Variants in PCDHA6 observed in about 807,000 individuals in gnomAD.
The protein encoded by PCDHA6 is protocadherin alpha-6.
PCDHA6 carries 55 observed loss-of-function variants against 60.3 expected under a neutral mutation model. The observed-to-expected ratio is 0.91, with a 90% CI of 0.73 to 1.14. The LOEUF is 1.14. PCDHA6 is among the 50% of genes most tolerant of loss of function. The probability of loss-of-function intolerance (pLI) is 0.00; values close to 1 mark genes in which losing one functional copy is unlikely to be tolerated. For synonymous variants in PCDHA6, 652 were observed against 557.9 expected (o/e 1.17, Z -2.38); for missense variants, 1,327 against 1,256.5 (o/e 1.06, Z -0.85).
rs549701659 is a variant in PCDHA6 at position 140,937,333 on chromosome 5, G to C, written c.2395-41616G>C. On this transcript the variant is annotated intron_variant, in intron 1 of 3. Transcript: ENST00000529310. ...ATTACAGGCGTGAGCCACCGCGCCCGGCTTCTTCCATTTATTTTATTATTT... is the reference window on the plus strand; with the variant it reads ...ATTACAGGCGTGAGCCACCGCGCCCCGCTTCTTCCATTTATTTTATTATTT... Among the ~76,000 whole-genome samples the C allele has an allele frequency of 2.8e-3, 423 of 151,952 alleles. 2 individuals carry two copies. Among genetic ancestry groups the C allele is most frequent in the Middle Eastern group, 0.014 (4 of 294 alleles).
In PCDHA6 at chr5:140,829,466, G is replaced by A. The variant is rs2150168443; in HGVS notation, c.1375G>A (p.Glu459Lys). 7 of 1,613,764 alleles carry A rather than the reference G, an allele frequency of 4.3e-6. No individual in the cohort carries two copies. The Admixed American group carries it at 5.0e-5, about 12-fold the overall frequency. ...CAATGCTCCGGCGTTCGCGCAGCCC[G>A]AGTACACAGTGTTCGTGAAGGAGAA... ...NDNAPAFAQP[E>K]YTVFVKENNP... Residue 459 changes from glutamate (E) to lysine (K), a missense_variant, in exon 1 of 4, where the codon GAG becomes AAG. Transcript: ENST00000529310.
intron 1 of PCDHA6, chr5:140,882,304 G>A (rs1046715245): frequency 1.2e-6 from 2 of 1,613,750 alleles, no homozygotes; most frequent in Non-Finnish European, 1.7e-6. Context: ...CAAGACCGCG[G>A]CAACTACTGC....
intron 1 of PCDHA6, among the ~76,000 whole-genome samples, chr5:140,978,595 G>A (rs2096811492): frequency 6.6e-6 from 1 of 152,214 alleles, no homozygotes; most frequent in African/African-American, 2.4e-5. Flanking sequence ...CCTTAATGGG[G>A]CACTTGAGGG....
At chr5:141,004,495 C>T (rs1363359146) in intron 3 of PCDHA6, among the ~76,000 whole-genome samples, 14 of 152,182 alleles carry the variant, frequency 9.2e-5, no homozygotes, top group Admixed American at 9.2e-4. Flanking sequence ...TCTTGGCAGT[C>T]CTGCTGTGAG....
At chr5:140,870,614 C>A (rs782305059) in intron 1 of PCDHA6, 1 of 1,613,212 alleles carries the variant, frequency 6.2e-7, no homozygotes, top group South Asian at 1.1e-5. Flanking sequence ...CGCGCGCTGT[C>A]GAGCTACGTG....
At chr5:140,991,792 T>A (rs541458701) in intron 3 of PCDHA6, among the ~76,000 whole-genome samples, 4 of 152,282 alleles carry the variant, frequency 2.6e-5, no homozygotes, top group Non-Finnish European at 5.9e-5. Context: ...CATTTCCCAA[T>A]CTCAAGGCCA....
chr5:140,927,499 C>G (rs781977423), intron 1 of PCDHA6: 1 of 1,614,136 alleles, frequency 6.2e-7, no homozygotes, highest in Admixed American at 1.7e-5. Context: ...CCTGCTGGTG[C>G]TTACAGCTCG....
chr5:140,929,064 T>A (rs550251743), intron 1 of PCDHA6: 1 of 1,614,162 alleles, frequency 6.2e-7, no homozygotes, highest in South Asian at 1.1e-5. Context: ...CTACAGAGGA[T>A]CTGAGGTATG....
intron 1 of PCDHA6, among the ~76,000 whole-genome samples, chr5:140,933,444 A>T (rs1478759836): frequency 1.3e-5 from 2 of 152,184 alleles, no homozygotes; most frequent in African/African-American, 4.8e-5. Flanking sequence ...CTAATGACAT[A>T]CCTTCAAAAT....
chr5:140,834,325 C>A, intron 1 of PCDHA6: 3 of 1,449,214 alleles, frequency 2.1e-6, no homozygotes, highest in Non-Finnish European at 2.8e-6. Context: ...GGGATAAAAA[C>A]ATTCCTATAA....
At chr5:140,869,892 A>C in intron 1 of PCDHA6, 2 of 1,610,608 alleles carry the variant, frequency 1.2e-6, no homozygotes, top group Non-Finnish European at 1.7e-6. Context: ...TTGTGCTCAA[A>C]CTAAACGCCA....
chr5:140,833,070 T>C lies in PCDHA6; in HGVS notation c.2394+2585T>C, dbSNP rs149875221. Among the ~76,000 whole-genome samples the C allele has an allele frequency of 3.8e-4, 58 of 152,314 alleles. No homozygotes were observed. The East Asian group carries it at 0.01, about 27-fold the overall frequency. ...GAAAAGTAATATGAGAAAAACCTTT[T>C]GTATAACTTTGAGTACTAGACGAGT... On this transcript the variant is annotated intron_variant, in intron 1 of 3. Coordinates refer to ENST00000529310, the MANE Select transcript of PCDHA6 (RefSeq NM_018909.4).
At chr5:140,973,207 A>C (rs1335984656) in intron 1 of PCDHA6, among the ~76,000 whole-genome samples, 1 of 152,100 alleles carries the variant, frequency 6.6e-6, no homozygotes, top group Non-Finnish European at 1.5e-5. Flanking sequence ...GTGCATATTC[A>C]CCCTAATTCC....
At chr5:140,889,745 T>G (rs1295441616) in intron 1 of PCDHA6, among the ~76,000 whole-genome samples, 2 of 152,202 alleles carry the variant, frequency 1.3e-5, no homozygotes, top group Non-Finnish European at 2.9e-5. Flanking sequence ...CAGAGTCTAA[T>G]TTTTCTTTCC....
Position 140,828,486 on chromosome 5 carries a change from T to C in PCDHA6, c.395T>C (p.Leu132Ser). The part of the protein sequence containing the change: ...EVRDINDNPP[L>S]FPVEEQRVLI... ...AGGGACATTAACGACAACCCGCCCT[T>C]GTTCCCGGTAGAGGAACAAAGAGTG... The change falls in exon 1 of 4, where the codon TTG becomes TCG. Residue 132 changes from leucine to serine, a missense_variant. Physicochemically the swap from Leu to Ser is moderately radical, Grantham distance 145 (BLOSUM62 -2). Transcript: ENST00000529310. 1 of 1,614,194 alleles carries C rather than the reference T, an allele frequency of 6.2e-7. No homozygotes were observed. Among genetic ancestry groups the C allele is most frequent in the Non-Finnish European group, 8.5e-7 (1 of 1,180,042 alleles).
intron 1 of PCDHA6, among the ~76,000 whole-genome samples, chr5:140,907,290 G>T (rs1554192922): frequency 1.3e-5 from 2 of 152,200 alleles, no homozygotes; most frequent in East Asian, 3.8e-4. Context: ...CAATCCAGCT[G>T]CTTCAGGATG....
At chr5:140,887,253 C>T (rs1045921651) in intron 1 of PCDHA6, among the ~76,000 whole-genome samples, 3 of 151,962 alleles carry the variant, frequency 2.0e-5, no homozygotes, top group Admixed American at 6.6e-5. Flanking sequence ...CCCGCCACCA[C>T]GCCCTGCTAA....
intron 1 of PCDHA6, chr5:140,967,749 C>A (rs1554229896): frequency 1.2e-6 from 2 of 1,614,172 alleles, no homozygotes; most frequent in Non-Finnish European, 1.7e-6. Context: ...TATGAGGAAG[C>A]CTCCTCCTAC....
chr5:140,840,693 G>A (rs1776820788), intron 1 of PCDHA6, among the ~76,000 whole-genome samples: 1 of 152,026 alleles, frequency 6.6e-6, no homozygotes, highest in Non-Finnish European at 1.5e-5. Flanking sequence ...AAATAAAACG[G>A]TTCAGGCAAT....
Sources: gnomAD v4.1 joint callset for allele counts (sites outside exome capture counted in the v4.1 genomes callset) on GRCh38, gnomAD v4.1.1 for gene constraint, MANE v1.5 for transcripts, NCBI Gene and HGNC (gene_info 2026-07-23, HGNC 2026-07-21) for gene names.